The following ULK4 variants were observed in gnomAD, a reference collection of about 807,000 sequenced individuals.
ULK4 encodes unc-51 like kinase 4, also known as inactive serine/threonine-protein kinase ULK4.
Under a neutral mutation model 160.6 loss-of-function variants are expected in ULK4, and 133 were observed. The ratio of observed to expected loss-of-function variants is 0.83; its 90% confidence interval spans 0.72 to 0.96. ULK4 has a LOEUF of 0.96. Ranked by LOEUF, ULK4 falls within the 40% of genes least tolerant of loss-of-function variation. The pLI is 0.00. For missense variants in ULK4, 1,580 were observed against 1,499.5 expected (o/e 1.05, Z -0.89); for synonymous variants, 534 against 539.8 (o/e 0.99, Z 0.15).
chr3:41,645,761 C>T (rs2034459489), intron 30 of ULK4, among the ~76,000 whole-genome samples: 1 of 152,126 alleles, frequency 6.6e-6, no homozygotes, highest in South Asian at 2.1e-4. Context: ...AACTTTCTGT[C>T]TTGTTGATCT....
At chr3:41,647,083 T>C (rs2034529552) in intron 30 of ULK4, among the ~76,000 whole-genome samples, 1 of 152,234 alleles carries the variant, frequency 6.6e-6, no homozygotes, top group Non-Finnish European at 1.5e-5. Context: ...TTATTCTAGT[T>C]ATACATTCGT....
At chr3:41,442,454 T>C (rs1035564802) in intron 34 of ULK4, among the ~76,000 whole-genome samples, 3 of 152,132 alleles carry the variant, frequency 2.0e-5, no homozygotes, top group Non-Finnish European at 4.4e-5. Context: ...TCCTATATTA[T>C]ACAGAAGTAG....
At chr3:41,639,484 T>G (rs920449645) in intron 30 of ULK4, among the ~76,000 whole-genome samples, 3 of 152,108 alleles carry the variant, frequency 2.0e-5, no homozygotes, top group Non-Finnish European at 2.9e-5. Context: ...TCCCAGCACT[T>G]TGGGAGGCCG....
At chr3:41,651,466 T>TAC (rs2034738639) in intron 30 of ULK4, among the ~76,000 whole-genome samples, 1 of 152,312 alleles carries the variant, frequency 6.6e-6, no homozygotes, top group African/African-American at 2.4e-5. Flanking sequence ...GTCTAGTATA[T>TAC]ACCTCCATCC....
At chr3:41,446,118 G>GA (rs1300273736) in intron 34 of ULK4, among the ~76,000 whole-genome samples, 1 of 152,064 alleles carries the variant, frequency 6.6e-6, no homozygotes, top group Non-Finnish European at 1.5e-5. Flanking sequence ...AAACACACAT[G>GA]AAAAAAATGC....
intron 34 of ULK4, among the ~76,000 whole-genome samples, chr3:41,413,850 A>G (rs2082464196): frequency 6.6e-6 from 1 of 152,184 alleles, no homozygotes. Context: ...TTCCAGACTT[A>G]GAAAAAGGAG....
chr3:41,400,019 T>C (rs1443530546), intron 34 of ULK4, among the ~76,000 whole-genome samples: 1 of 152,186 alleles, frequency 6.6e-6, no homozygotes, highest in Non-Finnish European at 1.5e-5. Context: ...TTTTATTCTT[T>C]TGCATGTGAA....
intron 32 of ULK4, among the ~76,000 whole-genome samples, chr3:41,520,408 T>G (rs944810844): frequency 2.6e-5 from 4 of 152,242 alleles, no homozygotes; most frequent in African/African-American, 9.6e-5. Flanking sequence ...TTTTTATGGC[T>G]AAATATTATT....
intron 17 of ULK4, among the ~76,000 whole-genome samples, chr3:41,866,666 CTGTATTAA>C (rs888071814): frequency 7.9e-5 from 12 of 152,078 alleles, no homozygotes; most frequent in African/African-American, 2.9e-4. Context: ...TTGGGGACCC[CTGTATTAA>C]TGTATCTACT....
chr3:41,445,567 C>T (rs1167659094), intron 34 of ULK4, among the ~76,000 whole-genome samples: 2 of 151,974 alleles, frequency 1.3e-5, no homozygotes, highest in Admixed American at 6.5e-5. Context: ...AGAAATAATG[C>T]CGCATATCTA....
At chr3:41,249,125 G>A (rs2078698474) in intron 36 of ULK4, among the ~76,000 whole-genome samples, 2 of 152,158 alleles carry the variant, frequency 1.3e-5, no homozygotes, top group Non-Finnish European at 2.9e-5. Context: ...TGCTGATGGG[G>A]GCATGTGTGC....
intron 17 of ULK4, among the ~76,000 whole-genome samples, chr3:41,861,882 C>T (rs1307805954): frequency 1.3e-5 from 2 of 152,034 alleles, no homozygotes; most frequent in African/African-American, 4.8e-5. Context: ...AGTGCAGTGG[C>T]ATGATCTCCG....
intron 32 of ULK4, among the ~76,000 whole-genome samples, chr3:41,467,922 G>T (rs2083876608): frequency 6.6e-6 from 1 of 152,086 alleles, no homozygotes; most frequent in Non-Finnish European, 1.5e-5. Flanking sequence ...ACCTTTTACT[G>T]CATATAAAAT....
At position 41,936,046 on chromosome 3, in the gene ULK4, A is replaced by G. The variant is rs2148826014; in HGVS notation, c.239-106T>C. ...ACGAACATTAAAAAATGATCAAGAC[A>G]GTAAACGCTGACAGCCTGGTCAAGG... On this transcript the variant is annotated intron_variant, in intron 3 of 36. Coordinates refer to ENST00000301831, the MANE Select transcript of ULK4 (RefSeq NM_017886.4). The G allele has an allele frequency of 4.9e-6, 7 of 1,429,894 alleles. No homozygotes were observed. In the East Asian group the frequency reaches 1.2e-4, roughly 24 times the overall value. The allele number at this position is 1,429,894 out of a possible 1,614,324, so 88.6% of individuals were successfully genotyped here.
In ULK4 at chr3:41,811,523, A is replaced by G. The variant is rs565662085; in HGVS notation, c.1848+7900T>C. Among the ~76,000 whole-genome samples the G allele has an allele frequency of 2.6e-5, 4 of 152,334 alleles. No individual in the cohort carries two copies. In the South Asian group the frequency reaches 8.3e-4, roughly 32 times the overall value. Reference sequence around the variant, plus strand: ...CTTTTCCTTCTAATCCTTGTATTGGAAAGAAAACAGTATGGAAATTTTATT... The same window carrying G: ...CTTTTCCTTCTAATCCTTGTATTGGGAAGAAAACAGTATGGAAATTTTATT... On this transcript the variant is annotated intron_variant, in intron 19 of 36. Transcript: ENST00000301831.
At chr3:41,715,210 A>G (rs756620946) in intron 25 of ULK4, 27 bp downstream of exon 25, 2 of 1,604,782 alleles carry the variant, frequency 1.2e-6, no homozygotes, top group South Asian at 2.3e-5. Flanking sequence ...ATTTTATTAG[A>G]AACAAGGAAA....
intron 22 of ULK4, among the ~76,000 whole-genome samples, chr3:41,743,915 G>A (rs2038328361): frequency 6.6e-6 from 1 of 151,648 alleles, no homozygotes; most frequent in African/African-American, 2.4e-5. Flanking sequence ...TTTAAAAGTA[G>A]GGATAGTAAA....
intron 13 of ULK4, among the ~76,000 whole-genome samples, chr3:41,900,392 G>C (rs117719067): frequency 0.011 from 1,650 of 152,244 alleles, 72 homozygotes; most frequent in Admixed American, 0.076. Flanking sequence ...TGCATACGGA[G>C]AAACAAAAGG....
intron 32 of ULK4, among the ~76,000 whole-genome samples, chr3:41,476,049 G>T (rs2084132792): frequency 7.3e-6 from 1 of 136,736 alleles, no homozygotes; most frequent in African/African-American, 2.7e-5. Context: ...GAGGGAAAAA[G>T]GAAGGAAGGG....
Sources: allele counts gnomAD v4.1 joint callset (sites outside exome capture counted in the v4.1 genomes callset), GRCh38; gene constraint gnomAD v4.1.1; transcripts MANE v1.5; gene names NCBI Gene and HGNC (gene_info 2026-07-23, HGNC 2026-07-21).